PAK5: variants seen among roughly 807,000 people sequenced by gnomAD.
PAK5 encodes serine/threonine-protein kinase PAK 5.
A neutral mutation model predicts 65.9 loss-of-function variants in PAK5; 16 were observed. The ratio of observed to expected loss-of-function variants is 0.24; its 90% CI spans 0.16 to 0.37. The LOEUF (loss-of-function observed/expected upper bound fraction) is 0.37, where lower values mean the gene tolerates loss of function less well. PAK5 is among the 10% of genes least tolerant of loss of function. The pLI is 1.00. For synonymous variants in PAK5, 371 were observed against 354.9 expected, an observed-to-expected ratio of 1.05 and a Z score of -0.51; for missense variants, 785 against 903.9, an observed-to-expected ratio of 0.87 and a Z score of 1.69.
intron 8 of PAK5, 70 bp downstream of exon 8, chr20:9,544,299 C>G: frequency 3.2e-6 from 5 of 1,538,912 alleles, no homozygotes; most frequent in Non-Finnish European, 3.6e-6. Flanking sequence ...TGGTCACCAA[C>G]TATCTCAGAA....
At chr20:9,680,040 T>C (rs1236349286) in intron 2 of PAK5, among the ~76,000 whole-genome samples, 1 of 152,232 alleles carries the variant, frequency 6.6e-6, no homozygotes, top group Non-Finnish European at 1.5e-5. Context: ...TCTCTCTTTT[T>C]CAAAACCTAC....
At chr20:9,651,918 C>T (rs1283650505) in intron 2 of PAK5, among the ~76,000 whole-genome samples, 1 of 152,162 alleles carries the variant, frequency 6.6e-6, no homozygotes, top group East Asian at 1.9e-4. Context: ...AATATAATTA[C>T]TGAACTATTA....
intron 1 of PAK5, among the ~76,000 whole-genome samples, chr20:9,834,874 C>A (rs533353938): frequency 4.0e-4 from 61 of 152,120 alleles, no homozygotes; most frequent in Non-Finnish European, 6.6e-4. Flanking sequence ...CATTGTCTTC[C>A]AAGGGTGTAG....
At chr20:9,741,125 T>C (rs897357194) in intron 1 of PAK5, among the ~76,000 whole-genome samples, 4 of 152,210 alleles carry the variant, frequency 2.6e-5, no homozygotes, top group Admixed American at 6.5e-5. Context: ...ATTTACAAGA[T>C]TTGTGCACTT....
At chr20:9,717,506 T>A (rs1451171679) in intron 1 of PAK5, among the ~76,000 whole-genome samples, 1 of 152,246 alleles carries the variant, frequency 6.6e-6, no homozygotes, top group African/African-American at 2.4e-5. Context: ...ACCTGATATC[T>A]GCGAATAATT....
chr20:9,792,845 C>T (rs1193549192), intron 1 of PAK5, among the ~76,000 whole-genome samples: 8 of 152,058 alleles, frequency 5.3e-5, no homozygotes, highest in Admixed American at 1.3e-4. Flanking sequence ...CACCTGGAAT[C>T]CTTCTAGGAA....
At position 9,588,066 on chromosome 20, in the gene PAK5, C is replaced by A. The variant is rs980644710; in HGVS notation, c.205-7136G>T. 2.6e-5 allele frequency among the ~76,000 whole-genome samples: 4 copies of A among 152,234 alleles called. No individual in the cohort carries two copies. The South Asian group carries it at 8.3e-4, about 32-fold the overall frequency. On this transcript the variant is annotated intron_variant, in intron 3 of 9. Transcript: ENST00000353224. ...AAACATTTCTCCAGCTTAACCAAAA[C>A]GATGACTTCCATTTATTTCACCATT...
At chr20:9,737,012 GA>G (rs959751891) in intron 1 of PAK5, among the ~76,000 whole-genome samples, 2 of 147,980 alleles carry the variant, frequency 1.4e-5, no homozygotes, top group East Asian at 3.9e-4. Flanking sequence ...TTTACTGAAA[GA>G]AAAAAAACCC....
At chr20:9,612,875 T>C (rs368288320) in intron 3 of PAK5, among the ~76,000 whole-genome samples, 2 of 152,236 alleles carry the variant, frequency 1.3e-5, no homozygotes, top group East Asian at 3.9e-4. Flanking sequence ...CCACGTGATG[T>C]TTATTAGTTT....
intron 3 of PAK5, among the ~76,000 whole-genome samples, chr20:9,619,495 A>G (rs2046731982): frequency 6.6e-6 from 1 of 151,682 alleles, no homozygotes; most frequent in African/African-American, 2.4e-5. Context: ...AAACTTCTCA[A>G]CTCCCAGTTC....
intron 4 of PAK5, among the ~76,000 whole-genome samples, chr20:9,570,941 C>G (rs1258470163): frequency 6.6e-6 from 1 of 152,180 alleles, no homozygotes; most frequent in Non-Finnish European, 1.5e-5. Flanking sequence ...CCTGCCTGCA[C>G]CAAGGGGACA....
intron 1 of PAK5, chr20:9,818,761 C>T (rs748414455): frequency 3.3e-5 from 5 of 152,096 alleles, no homozygotes; most frequent in Non-Finnish European, 7.4e-5. Context: ...CTAAGTTTTC[C>T]ACTTTCTCTA....
intron 2 of PAK5, among the ~76,000 whole-genome samples, chr20:9,701,051 G>C (rs537952390): frequency 3.3e-5 from 5 of 152,054 alleles, no homozygotes; most frequent in Admixed American, 2.6e-4. Flanking sequence ...ACAGGCCTAC[G>C]TTTCCCTCTT....
At chr20:9,722,593 A>G (rs1434205027) in intron 1 of PAK5, among the ~76,000 whole-genome samples, 1 of 151,218 alleles carries the variant, frequency 6.6e-6, no homozygotes, top group Non-Finnish European at 1.5e-5. Flanking sequence ...GCCTGGGGGG[A>G]CAGAGCGAGA....
intron 1 of PAK5, among the ~76,000 whole-genome samples, chr20:9,806,919 C>A (rs2049239773): frequency 6.6e-6 from 1 of 152,090 alleles, no homozygotes; most frequent in South Asian, 2.1e-4. Context: ...CTGGTTCTTT[C>A]TGAGGGCCCA....
chr20:9,595,073 A>G (rs1320011328), intron 3 of PAK5, among the ~76,000 whole-genome samples: 5 of 151,448 alleles, frequency 3.3e-5, no homozygotes, highest in Admixed American at 3.3e-4. Context: ...ATATACACAC[A>G]TATACATATA....
At chr20:9,616,692 G>A (rs1276356132) in intron 3 of PAK5, among the ~76,000 whole-genome samples, 1 of 152,112 alleles carries the variant, frequency 6.6e-6, no homozygotes, top group South Asian at 2.1e-4. Context: ...TAATACACTG[G>A]GGTGCAGTGC....
rs1239099962 is a variant in PAK5 at position 9,838,799 on chromosome 20, C to G, written c.-199G>C. 1.3e-5 allele frequency: 2 copies of G among 152,366 alleles called. No individual in the cohort carries two copies. Among genetic ancestry groups the G allele is most frequent in the South Asian group, 2.1e-4 (1 of 4,836 alleles). 9.4% of individuals were successfully genotyped at this position (152,366 alleles called of 1,614,324 possible). On this transcript the variant is annotated 5_prime_UTR_variant, in exon 1 of 10. Coordinates refer to ENST00000353224, the MANE Select transcript of PAK5 (RefSeq NM_177990.4). This position sits in a 1 kb window ranked among gnomAD's most constrained non-coding sequence, Gnocchi z 4.5. ...TGTCAGCGAAGCGGCGGTGCCTCAG[C>G]CCCTTCTCAGCTGCTACAGCGCTCC...
chr20:9,555,939 C>A (rs2045499547), intron 7 of PAK5, among the ~76,000 whole-genome samples: 1 of 152,152 alleles, frequency 6.6e-6, no homozygotes, highest in Non-Finnish European at 1.5e-5. Context: ...GACTGCCAAG[C>A]AAATGAGTAA....
Sources: allele counts gnomAD v4.1 joint callset (sites outside exome capture counted in the v4.1 genomes callset), GRCh38; gene constraint gnomAD v4.1.1; non-coding constraint Gnocchi (gnomAD v3.1); transcripts MANE v1.5; gene names NCBI Gene and HGNC (gene_info 2026-07-23, HGNC 2026-07-21).